The following ZNF213 variants were observed in gnomAD, a reference collection of about 807,000 sequenced individuals.
ZNF213 encodes zinc finger protein 213, also known as putative transcription factor CR53.
In ZNF213, 32 loss-of-function variants were observed where a neutral mutation model predicts 46.0. That is an observed-to-expected ratio of 0.70 (90% CI 0.52 to 0.93). ZNF213 has a LOEUF of 0.93. ZNF213 is among the 40% of genes least tolerant of loss of function. ZNF213 has a pLI of 0.00. For missense variants in ZNF213, 639 were observed against 652.8 expected, an observed-to-expected ratio of 0.98 and a Z score of 0.23; for synonymous variants, 297 against 271.0, an observed-to-expected ratio of 1.10 and a Z score of -0.94.
rs1470327960 is a variant in ZNF213 at position 3,142,593 on chromosome 16, G to A, written c.*1246G>A. The A allele has an allele frequency of 1.2e-5, 2 of 162,300 alleles. No homozygotes were observed. The highest frequency in any genetic ancestry group is 2.7e-5 in the Non-Finnish European group (2 of 74,058). The allele number at this position is 162,300 out of a possible 1,614,324, so 10.1% of individuals were successfully genotyped here. On this transcript the variant is annotated 3_prime_UTR_variant, in exon 6 of 6. Transcript: ENST00000396878. ...ATCGGCACTAACGCCCCGCTCCACC[G>A]GCACCAGTGCCTCGCTCCATTGGCA...
At chr16:3,138,143 G>A in intron 2 of ZNF213, 1 of 544,956 alleles carries the variant, frequency 1.8e-6, no homozygotes, top group Non-Finnish European at 3.1e-6. Context: ...TTCTGCCTTT[G>A]GCAGGAGGGT....
rs1957604191 is a variant in ZNF213 at position 3,141,508 on chromosome 16, G to GACCT, written c.*162_*165dup. On this transcript the variant is annotated 3_prime_UTR_variant, in exon 6 of 6. Transcript: ENST00000396878. Reference sequence around the variant, plus strand: ...CTCGCCTGCCCTGCTTGGCTCTGAGGACCTGCCCAGCGCTCAAAGGGAACG... The same window carrying GACCT: ...CTCGCCTGCCCTGCTTGGCTCTGAGGACCTACCTGCCCAGCGCTCAAAGGGAACG... 1 of 784,314 alleles carries GACCT rather than the reference G, an allele frequency of 1.3e-6. No individual in the cohort carries two copies. Among genetic ancestry groups the GACCT allele is most frequent in the East Asian group, 2.8e-5 (1 of 35,168 alleles). The allele number at this position is 784,314 out of a possible 1,614,324, so 48.6% of individuals were successfully genotyped here. A position where few individuals can be genotyped will look rare whatever the true frequency, so the allele number is the denominator to read the frequency against.
At chr16:3,137,792 GC>G (rs913699995) in intron 2 of ZNF213, 113 bp downstream of exon 2, 50 of 1,327,874 alleles carry the variant, frequency 3.8e-5, no homozygotes, top group Non-Finnish European at 4.5e-5. Context: ...GAGACACAGA[GC>G]CCCCAGGAGC....
At chr16:3,137,817 C>A in intron 2 of ZNF213, 138 bp downstream of exon 2, 1 of 1,079,474 alleles carries the variant, frequency 9.3e-7, no homozygotes, top group Non-Finnish European at 1.3e-6. Context: ...CACACAAGCA[C>A]AGTGTGCCAT....
At position 3,138,498 on chromosome 16, in the gene ZNF213, A is replaced by T; in HGVS notation, c.480A>T (p.Ala160=). The change falls in exon 3 of 6, where the codon GCA becomes GCT. Residue 160 remains alanine (A), a synonymous_variant. Coordinates refer to ENST00000396878, the MANE Select transcript of ZNF213 (RefSeq NM_004220.3). The part of the protein sequence containing the change: ...QATGPPPTVG[A]RRRPSVPQEQ... The stretch of plus-strand genomic sequence containing the variant: ...CGGGGCCTCCCCCGACGGTGGGGGC[A>T]CGGAGGCGGCCGTCTGTTCCCCAGG... 6.2e-7 allele frequency: 1 copy of T among 1,613,632 alleles called. No homozygotes were observed.
Position 3,135,265 on chromosome 16 carries a change from C to G in ZNF213, c.-238C>G, listed in dbSNP as rs1459448222. 2.0e-5 allele frequency: 3 copies of G among 152,664 alleles called. No homozygotes were observed. Among genetic ancestry groups the G allele is most frequent in the Non-Finnish European group, 4.4e-5 (3 of 68,096 alleles). The allele number at this position is 152,664 out of a possible 1,614,324, so 9.5% of individuals were successfully genotyped here. On this transcript the variant is annotated 5_prime_UTR_variant, in exon 1 of 6. Transcript: ENST00000396878. The stretch of plus-strand genomic sequence containing the variant: ...CTGGTCCCCCGCGCCGCTCTGCCAG[C>G]TTGGTCCCCCGGCAGACGCCCCTGT...
Position 3,138,830 on chromosome 16 carries a change from G to T in ZNF213, c.597+12G>T, listed in dbSNP as rs375557912. On this transcript the variant is annotated intron_variant, in intron 4 of 5. Transcript: ENST00000396878. The stretch of plus-strand genomic sequence containing the variant: ...TCTCTGGGGTCCATGTGAGTCACCA[G>T]TCCCTTTGTCTTCTTTAAGGCACTT... 3 of 1,613,954 alleles carry T rather than the reference G, an allele frequency of 1.9e-6. No homozygotes were observed. The African/African-American group carries it at 4.0e-5, about 22-fold the overall frequency.
chr16:3,135,451 C>G (rs1046550271), intron 1 of ZNF213, 64 bp downstream of exon 1: 5 of 152,178 alleles, frequency 3.3e-5, no homozygotes, highest in Non-Finnish European at 5.9e-5. Context: ...GAATGGTGCG[C>G]GCACCTTTCA....
intron 5 of ZNF213, chr16:3,139,438 C>T: frequency 3.8e-6 from 1 of 260,050 alleles, no homozygotes; most frequent in South Asian, 4.8e-5. Flanking sequence ...GGACTTGGAT[C>T]AGGCACAGTT....
In ZNF213 at chr16:3,138,546, G is replaced by A; in HGVS notation, c.523+5G>A. The A allele has an allele frequency of 6.2e-7, 1 of 1,614,034 alleles. No homozygotes were observed. Among genetic ancestry groups the A allele is most frequent in the Non-Finnish European group, 8.5e-7 (1 of 1,179,984 alleles). On this transcript the variant is annotated splice_donor_5th_base_variant and intron_variant, in intron 3 of 5. Transcript: ENST00000396878. ...AGGAGCAGCACAGCCATAGCGGTGA[G>A]TAAGCCTCCGTTCTTGTGGACAGTC...
At chr16:3,138,922 T>G in intron 4 of ZNF213, 53 bp from the exon 5 acceptor site, 1 of 1,613,480 alleles carries the variant, frequency 6.2e-7, no homozygotes, top group Non-Finnish European at 8.5e-7. Flanking sequence ...ACCCATCCTG[T>G]CCCCGCCAGT....
At chr16:3,137,138 C>T in intron 1 of ZNF213, 28 bp from the exon 2 acceptor site, 1 of 1,097,254 alleles carries the variant, frequency 9.1e-7, no homozygotes, top group Non-Finnish European at 1.3e-6. Flanking sequence ...CCTTCCTCCT[C>T]AGTCCTGCCA....
At chr16:3,140,614 C>T (rs1957591947) in intron 5 of ZNF213, 75 bp from the exon 6 acceptor site, 1 of 1,440,310 alleles carries the variant, frequency 6.9e-7, no homozygotes, top group Non-Finnish European at 9.1e-7. Context: ...CTTTCCCCAG[C>T]CTTGTTTCTT....
chr16:3,138,719 T>C (rs761578340), intron 3 of ZNF213, 26 bp from the exon 4 acceptor site: 3 of 1,613,948 alleles, frequency 1.9e-6, no homozygotes, highest in South Asian at 2.2e-5. Flanking sequence ...GGCTGGCCTT[T>C]CTAAGGCTCC....
rs371757188 is a variant in ZNF213, at chr16:3,142,584, C to T, written c.*1237C>T. The T allele has an allele frequency of 5.4e-4, 81 of 151,176 alleles. No individual in the cohort carries two copies. The highest frequency in any genetic ancestry group is 9.7e-4 in the Non-Finnish European group (67 of 69,182). The allele number at this position is 151,176 out of a possible 1,614,324, so 9.4% of individuals were successfully genotyped here. A position where few individuals can be genotyped will look rare whatever the true frequency, so the allele number is the denominator to read the frequency against. ...CCCCATTCCATCGGCACTAACGCCCCGCTCCACCGGCACCAGTGCCTCGCT... is the reference window on the plus strand; with the variant it reads ...CCCCATTCCATCGGCACTAACGCCCTGCTCCACCGGCACCAGTGCCTCGCT... On this transcript the variant is annotated 3_prime_UTR_variant, in exon 6 of 6. Transcript: ENST00000396878.
rs188239070 is a variant in ZNF213, at chr16:3,138,555, C to T, written c.523+14C>T. Reference sequence around the variant, plus strand: ...ACAGCCATAGCGGTGAGTAAGCCTCCGTTCTTGTGGACAGTCGAGTGGCTG... The same window carrying T: ...ACAGCCATAGCGGTGAGTAAGCCTCTGTTCTTGTGGACAGTCGAGTGGCTG... On this transcript the variant is annotated intron_variant, in intron 3 of 5. Coordinates refer to ENST00000396878, the MANE Select transcript of ZNF213 (RefSeq NM_004220.3). The T allele has an allele frequency of 1.6e-5, 26 of 1,613,940 alleles. No individual in the cohort carries two copies. Among genetic ancestry groups the T allele is most frequent in the Admixed American group, 6.7e-5 (4 of 59,984 alleles).
chr16:3,135,136 G>C lies in ZNF213; in HGVS notation c.-367G>C, dbSNP rs1298827139. 2.6e-5 allele frequency: 4 copies of C among 152,576 alleles called. No individual in the cohort carries two copies. Among genetic ancestry groups the C allele is most frequent in the Admixed American group, 2.0e-4 (3 of 15,216 alleles). The allele number at this position is 152,576 out of a possible 1,614,324, so 9.5% of individuals were successfully genotyped here. ...CGGGGGCGGGGGCCGGGGCGGGGAC[G>C]GGGCCTCTGGCCGCCTGGCTCCAAC... On this transcript the variant is annotated 5_prime_UTR_variant, in exon 1 of 6. Coordinates refer to ENST00000396878, the MANE Select transcript of ZNF213 (RefSeq NM_004220.3).
chr16:3,138,978 C>A lies in ZNF213; in HGVS notation c.601C>A (p.Pro201Thr), dbSNP rs2141536968. The A allele has an allele frequency of 6.2e-7, 1 of 1,614,216 alleles. No individual in the cohort carries two copies. Among genetic ancestry groups the A allele is most frequent in the Non-Finnish European group, 8.5e-7 (1 of 1,180,028 alleles). ...DTCFVSGVHG[P>T]VALGDIPFYF... ...GGGTCTTCTCACCCCATTCCAGGGACCTGTGGCATTGGGAGACATCCCATT... is the reference window on the plus strand; with the variant it reads ...GGGTCTTCTCACCCCATTCCAGGGAACTGTGGCATTGGGAGACATCCCATT... The change falls in exon 5 of 6, where the codon CCT (proline) becomes ACT (threonine). Residue 201 changes from proline (P) to threonine (T), a missense_variant. Transcript: ENST00000396878.
intron 5 of ZNF213, 145 bp downstream of exon 5, chr16:3,139,243 T>G (rs376234312): frequency 1.6e-6 from 2 of 1,263,356 alleles, no homozygotes; most frequent in Admixed American, 2.5e-5. Context: ...CTTTCTTGGC[T>G]GATGATCAGT....
Sources: allele counts gnomAD v4.1 joint callset, GRCh38; gene constraint gnomAD v4.1.1; transcripts MANE v1.5; gene names NCBI Gene and HGNC (gene_info 2026-07-23, HGNC 2026-07-21).